The following RASAL3 variants were observed in gnomAD, a reference collection of about 807,000 sequenced individuals.
RASAL3 encodes the protein RAS protein activator like-3.
RASAL3 carries 74 observed loss-of-function variants against 105.5 expected under a neutral mutation model. The ratio of observed to expected loss-of-function variants is 0.70; its 90% CI spans 0.58 to 0.85. The LOEUF (loss-of-function observed/expected upper bound fraction) is 0.85. Ranked by LOEUF, RASAL3 falls within the 40% of genes least tolerant of loss-of-function variation. The probability of loss-of-function intolerance (pLI) is 0.00; values close to 1 mark genes in which losing one functional copy is unlikely to be tolerated. For missense variants in RASAL3, 1,352 were observed against 1,392.0 expected, an observed-to-expected ratio of 0.97 and a Z score of 0.46; for synonymous variants, 579 against 591.6, an observed-to-expected ratio of 0.98 and a Z score of 0.31.
In RASAL3 at chr19:15,454,536, C is replaced by A; in HGVS notation, c.1985G>T (p.Gly662Val). Residue 662 changes from glycine (G) to valine (V), a missense_variant, in exon 13 of 18, where the codon GGC (glycine) becomes GTC (valine). Gly to Val is a moderately radical substitution (Grantham distance 109, BLOSUM62 -3). Coordinates refer to ENST00000343625, the MANE Select transcript of RASAL3 (RefSeq NM_022904.3). ...TTCCTCCAGGAAGCTATTCATGAAG[C>A]CCATGTAGGCCTCCTTCTCACCGAA... Reference protein sequence around the residue: ...APFGEKEAYMGFMNSFLEEHG... With the variant: ...APFGEKEAYMVFMNSFLEEHG... 1 of 1,614,014 alleles carries A rather than the reference C, an allele frequency of 6.2e-7. No individual in the cohort carries two copies. Among genetic ancestry groups the A allele is most frequent in the Middle Eastern group, 1.6e-4 (1 of 6,062 alleles).
chr19:15,464,270 C>T lies in RASAL3; in HGVS notation c.89G>A (p.Gly30Asp). 1.2e-6 allele frequency: 2 copies of T among 1,610,802 alleles called. No homozygotes were observed. Among genetic ancestry groups the T allele is most frequent in the South Asian group, 1.1e-5 (1 of 90,572 alleles). ...LTSYRWHTGG[G>D]GEKAAGGFRW... ...GAACCCTCCAGCCGCCTTCTCCCCA[C>T]CGCCCCCTGTGTGCCAGCGGTAGGA... Residue 30 changes from glycine to aspartate, a missense_variant, in exon 2 of 18, where the codon GGT becomes GAT. Physicochemically the swap from Gly to Asp is moderately conservative, Grantham distance 94. This residue lies in a region of RASAL3 where 344 missense variants were observed against 339.6 expected (regional missense o/e 1.01). Coordinates refer to ENST00000343625, the MANE Select transcript of RASAL3 (RefSeq NM_022904.3).
Position 15,456,580 on chromosome 19 carries a change from G to A in RASAL3, c.1498C>T (p.Arg500Trp), listed in dbSNP as rs147146430. The A allele has an allele frequency of 5.1e-5, 83 of 1,613,608 alleles. No individual in the cohort carries two copies. The highest frequency in any genetic ancestry group is 1.0e-4 in the Admixed American group (6 of 59,966). ...RCGGREALLFRENTLATKAID... is the reference protein window; with the variant it reads ...RCGGREALLFWENTLATKAID... ...GCCTTGGTGGCCAATGTGTTTTCCC[G>A]GAACAGCAGCGCCTCACGGCCTCCA... Residue 500 changes from arginine (R) to tryptophan (W), a missense_variant, in exon 10 of 18, where the codon CGG (arginine) becomes TGG (tryptophan). Transcript: ENST00000343625. This position sits in a 1 kb window ranked among gnomAD's most constrained non-coding sequence, Gnocchi z 4.4.
Position 15,457,162 on chromosome 19 carries a change from G to A in RASAL3, c.1431+130C>T. 1.3e-6 allele frequency: 1 copy of A among 785,816 alleles called. No individual in the cohort carries two copies. The highest frequency in any genetic ancestry group is 1.7e-6 in the Non-Finnish European group (1 of 579,906). 48.7% of individuals were successfully genotyped at this position (785,816 alleles called of 1,614,324 possible). On this transcript the variant is annotated intron_variant, in intron 9 of 17. Coordinates refer to ENST00000343625, the MANE Select transcript of RASAL3 (RefSeq NM_022904.3). The surrounding 1 kb of genome is among the most constrained non-coding windows in gnomAD (Gnocchi z 8.6). ...CGCTTACAGGTGACACTTGGACCACGCCCCTCACACCCCTTCAAGGTGTCT... is the reference window on the plus strand; with the variant it reads ...CGCTTACAGGTGACACTTGGACCACACCCCTCACACCCCTTCAAGGTGTCT...
Position 15,452,698 on chromosome 19 carries a change from G to C in RASAL3, c.2788C>G (p.Arg930Gly), listed in dbSNP as rs1429253157. 1 of 1,551,994 alleles carries C rather than the reference G, an allele frequency of 6.4e-7. No individual in the cohort carries two copies. Among genetic ancestry groups the C allele is most frequent in the Non-Finnish European group, 8.7e-7 (1 of 1,147,684 alleles). Residue 930 changes from arginine (R) to glycine (G), a missense_variant, in exon 16 of 18, where the codon CGG (arginine) becomes GGG (glycine). Arg to Gly is a moderately radical substitution (Grantham distance 125). Transcript: ENST00000343625. ...RALTEQQEQL[R>G]GQLQDLDSRL... is the part of the protein sequence containing the mutation. ...GAGTCCAGATCCTGCAGCTGGCCCC[G>C]CAGCTGCTCCTGCTGCTCCGTCAAG...
Position 15,460,213 on chromosome 19 carries a change from G to T in RASAL3, c.652C>A (p.Pro218Thr), listed in dbSNP as rs374061497. 6.2e-7 allele frequency: 1 copy of T among 1,607,658 alleles called. No homozygotes were observed. The highest frequency in any genetic ancestry group is 8.5e-7 in the Non-Finnish European group (1 of 1,177,252). The change falls in exon 6 of 18, where the codon CCC becomes ACC. Residue 218 changes from proline to threonine, a missense_variant. By Grantham distance (38) the Pro-to-Thr change is conservative. Coordinates refer to ENST00000343625, the MANE Select transcript of RASAL3 (RefSeq NM_022904.3). Reference protein sequence around the residue: ...LKEKKKARLEPRDGPPSALGS... With the variant: ...LKEKKKARLETRDGPPSALGS... ...CTCATACACCCTTACCCATCCCGGGGCTCCAACCTGGCCTTTTTCTTCTCT... is the reference window on the plus strand; with the variant it reads ...CTCATACACCCTTACCCATCCCGGGTCTCCAACCTGGCCTTTTTCTTCTCT...
At position 15,456,843 on chromosome 19, in the gene RASAL3, C is replaced by T; in HGVS notation, c.1432-197G>A. On this transcript the variant is annotated intron_variant, in intron 9 of 17. Coordinates refer to ENST00000343625, the MANE Select transcript of RASAL3 (RefSeq NM_022904.3). The surrounding 1 kb of genome is among the most constrained non-coding windows in gnomAD (Gnocchi z 4.4). ...CAGCAGAAATTTAAGCCTTTCAGCGCTGAGGTGCAACCTGGGCCCCGCCCC... is the reference window on the plus strand; with the variant it reads ...CAGCAGAAATTTAAGCCTTTCAGCGTTGAGGTGCAACCTGGGCCCCGCCCC... 1 of 675,762 alleles carries T rather than the reference C, an allele frequency of 1.5e-6. No individual in the cohort carries two copies. The highest frequency in any genetic ancestry group is 2.8e-5 in the East Asian group (1 of 36,352). The allele number at this position is 675,762 out of a possible 1,614,324, so 41.9% of individuals were successfully genotyped here.
chr19:15,457,207 T>G lies in RASAL3; in HGVS notation c.1431+85A>C. 1 of 1,121,654 alleles carries G rather than the reference T, an allele frequency of 8.9e-7. No individual in the cohort carries two copies. The allele number at this position is 1,121,654 out of a possible 1,614,324, so 69.5% of individuals were successfully genotyped here. A position where few individuals can be genotyped will look rare whatever the true frequency, so the allele number is the denominator to read the frequency against. On this transcript the variant is annotated intron_variant, in intron 9 of 17. Coordinates refer to ENST00000343625, the MANE Select transcript of RASAL3 (RefSeq NM_022904.3). The surrounding 1 kb of genome is among the most constrained non-coding windows in gnomAD (Gnocchi z 8.6). ...GTGTCTCCCCCATTACAGGTGCAAC[T>G]CAGGTCCTGCGCCCCAACTCCTGCC... is the stretch of plus-strand genomic sequence containing the variant.
In RASAL3 at chr19:15,464,104, G is replaced by A. The variant is rs1382969234; in HGVS notation, c.255C>T (p.Leu85=). 1.2e-6 allele frequency: 2 copies of A among 1,612,660 alleles called. No individual in the cohort carries two copies. The highest frequency in any genetic ancestry group is 1.7e-6 in the Non-Finnish European group (2 of 1,179,330). ...TATGCCTCCCCCAGAGGGCCTTGGA[G>A]AGTCGAAGGCGACTGGTCCGTGACT... is the stretch of plus-strand genomic sequence containing the variant. ...PKESRTSRLR[L]SKALWGRHKN... Residue 85 remains leucine, a synonymous_variant, in exon 2 of 18, where the codon CTC becomes CTT. Coordinates refer to ENST00000343625, the MANE Select transcript of RASAL3 (RefSeq NM_022904.3).
rs764334727 is a variant in RASAL3, at chr19:15,464,372, G to T, written c.-14C>A. ...CGGTGGGTCCATGGTTGGGGGGGGGGGTCTCCTGGGGGACGAGAGAGTGAC... is the reference window on the plus strand; with the variant it reads ...CGGTGGGTCCATGGTTGGGGGGGGGTGTCTCCTGGGGGACGAGAGAGTGAC... On this transcript the variant is annotated 5_prime_UTR_variant, in exon 2 of 18. Coordinates refer to ENST00000343625, the MANE Select transcript of RASAL3 (RefSeq NM_022904.3). The T allele has an allele frequency of 9.9e-6, 14 of 1,409,024 alleles. No individual in the cohort carries two copies. Among genetic ancestry groups the T allele is most frequent in the Admixed American group, 1.7e-5 (1 of 57,734 alleles). The allele number at this position is 1,409,024 out of a possible 1,614,324, so 87.3% of individuals were successfully genotyped here.
In RASAL3 at chr19:15,452,744, C is replaced by T; in HGVS notation, c.2742G>A (p.Ser914=). The change falls in exon 16 of 18, where the codon TCG becomes TCA. Residue 914 remains serine, a synonymous_variant. Coordinates refer to ENST00000343625, the MANE Select transcript of RASAL3 (RefSeq NM_022904.3). ...EQKVLSRLVE[S]LSTQIRALTE... The stretch of plus-strand genomic sequence containing the variant: ...TCAAGGCCCGGATTTGGGTGCTCAG[C>T]GACTCCACGAGGCGGGACAGCACTT... The T allele has an allele frequency of 6.4e-7, 1 of 1,560,234 alleles. No individual in the cohort carries two copies. Among genetic ancestry groups the T allele is most frequent in the Non-Finnish European group, 8.7e-7 (1 of 1,151,884 alleles).
In RASAL3 at chr19:15,453,503, G is replaced by A; in HGVS notation, c.2280-6C>T. 2 of 1,517,834 alleles carry A rather than the reference G, an allele frequency of 1.3e-6. No homozygotes were observed. Among genetic ancestry groups the A allele is most frequent in the Non-Finnish European group, 1.8e-6 (2 of 1,141,870 alleles). 94.0% of individuals were successfully genotyped at this position (1,517,834 alleles called of 1,614,324 possible). The stretch of plus-strand genomic sequence containing the variant: ...GCTTCTCCCCTGCGGAGAGGCTAGG[G>A]GTGGGATGGAGGATCTTAGACCCTC... On this transcript the variant is annotated splice_polypyrimidine_tract_variant and splice_region_variant and intron_variant, in intron 14 of 17. Transcript: ENST00000343625. This position sits in a 1 kb window ranked among gnomAD's most constrained non-coding sequence, Gnocchi z 4.2.
At chr19:15,459,047 C>T (rs1235839011) in intron 6 of RASAL3, among the ~76,000 whole-genome samples, 3 of 152,138 alleles carry the variant, frequency 2.0e-5, no homozygotes, top group Non-Finnish European at 4.4e-5. Context: ...TTTCCTTCCT[C>T]AGCCTCCCAA....
At chr19:15,455,146 C>T (rs911238389) in intron 11 of RASAL3, among the ~76,000 whole-genome samples, 1 of 152,062 alleles carries the variant, frequency 6.6e-6, no homozygotes, top group African/African-American at 2.4e-5. Flanking sequence ...CTATGGCAAT[C>T]GCTGGGGATA....
chr19:15,459,250 T>TTTA, intron 6 of RASAL3, among the ~76,000 whole-genome samples: 1 of 150,022 alleles, frequency 6.7e-6, no homozygotes, highest in East Asian at 2.0e-4. Flanking sequence ...TATTTATTTA[T>TTTA]TTATTTATTT....
At chr19:15,455,935 G>T (rs1970300500) in intron 11 of RASAL3, among the ~76,000 whole-genome samples, 169 bp downstream of exon 11, 1 of 152,186 alleles carries the variant, frequency 6.6e-6, no homozygotes, top group Non-Finnish European at 1.5e-5. Flanking sequence ...ACGGGCGTGA[G>T]TCACCATGCC....
chr19:15,454,524 C>T lies in RASAL3; in HGVS notation c.1997G>A (p.Ser666Asn). 6.2e-7 allele frequency: 1 copy of T among 1,614,022 alleles called. No individual in the cohort carries two copies. The highest frequency in any genetic ancestry group is 1.1e-5 in the South Asian group (1 of 91,082). ...GGCTGGTCCATGTTCCTCCAGGAAGCTATTCATGAAGCCCATGTAGGCCTC... is the reference window on the plus strand; with the variant it reads ...GGCTGGTCCATGTTCCTCCAGGAAGTTATTCATGAAGCCCATGTAGGCCTC... ...EKEAYMGFMN[S>N]FLEEHGPAMQ... Residue 666 changes from serine to asparagine, a missense_variant, in exon 13 of 18, where the codon AGC (serine) becomes AAC (asparagine). Ser to Asn is a conservative substitution (Grantham distance 46). Coordinates refer to ENST00000343625, the MANE Select transcript of RASAL3 (RefSeq NM_022904.3).
rs1385505858 is a variant in RASAL3 at position 15,464,161 on chromosome 19, T to C, written c.198A>G (p.Ile66Met). The stretch of plus-strand genomic sequence containing the variant: ...GAGGCGCAGATAGGACCCGACGGAA[T>C]ATCGAGCGAGGGGCTGGCTGGGTGC... ...MVSTQPAPRS[I>M]FRRVLSAPPK... Residue 66 changes from isoleucine (I) to methionine (M), a missense_variant, in exon 2 of 18, where the codon ATA becomes ATG. Physicochemically the swap from Ile to Met is conservative, Grantham distance 10. Transcript: ENST00000343625. 1.2e-6 allele frequency: 2 copies of C among 1,613,274 alleles called. No homozygotes were observed. The highest frequency in any genetic ancestry group is 8.5e-7 in the Non-Finnish European group (1 of 1,179,780).
Position 15,457,700 on chromosome 19 carries a change from C to A in RASAL3, c.1023G>T (p.Ala341=). Residue 341 remains alanine, a synonymous_variant, in exon 9 of 18, where the codon GCG becomes GCT. Coordinates refer to ENST00000343625, the MANE Select transcript of RASAL3 (RefSeq NM_022904.3). The surrounding 1 kb of genome is among the most constrained non-coding windows in gnomAD (Gnocchi z 8.6). ...WLDGALLART[A]PRAGPGQLFW... is the part of the protein sequence containing the mutation. ...AGAGCTGGCCTGGGCCGGCCCGAGG[C>A]GCCGTGCGTGCCAGCAGCGCGCCAT... 3 of 1,471,060 alleles carry A rather than the reference C, an allele frequency of 2.0e-6. No homozygotes were observed. Among genetic ancestry groups the A allele is most frequent in the Non-Finnish European group, 1.8e-6 (2 of 1,113,964 alleles). The allele number at this position is 1,471,060 out of a possible 1,614,324, so 91.1% of individuals were successfully genotyped here.
rs533308440 is a variant in RASAL3, at chr19:15,453,601, CT to C, written c.2280-105del. 0.12 allele frequency: 105,634 copies of C among 846,598 alleles called. No individual in the cohort carries two copies. Among genetic ancestry groups the C allele is most frequent in the South Asian group, 0.19 (7,969 of 42,650 alleles). 52.4% of individuals were successfully genotyped at this position (846,598 alleles called of 1,614,324 possible). ...CACCCCCCACGTGAACTTGTCCTTT[CT>C]TTTTTTTTTTTGAGACAAGGTCTTG... is the stretch of plus-strand genomic sequence containing the variant. On this transcript the variant is annotated intron_variant, in intron 14 of 17. Coordinates refer to ENST00000343625, the MANE Select transcript of RASAL3 (RefSeq NM_022904.3). The surrounding 1 kb of genome is among the most constrained non-coding windows in gnomAD (Gnocchi z 4.2).
Sources: gnomAD v4.1 joint callset for allele counts (sites outside exome capture counted in the v4.1 genomes callset) on GRCh38, gnomAD v4.1.1 for gene constraint, gnomAD v4.1.1 regional missense constraint, Gnocchi (gnomAD v3.1) non-coding constraint, MANE v1.5 for transcripts, NCBI Gene and HGNC (gene_info 2026-07-23, HGNC 2026-07-21) for gene names.